TGFB2: variants seen among roughly 807,000 people sequenced by gnomAD.
TGFB2 encodes transforming growth factor beta-2 proprotein.
In TGFB2, 13 loss-of-function variants were observed where a neutral mutation model predicts 42.7. The ratio of observed to expected loss-of-function variants is 0.30; its 90% CI spans 0.20 to 0.48. The LOEUF (loss-of-function observed/expected upper bound fraction) is 0.48, where lower values mean the gene tolerates loss of function less well. TGFB2 is among the 20% of genes least tolerant of loss of function. TGFB2 has a pLI of 0.99. For missense variants in TGFB2, 390 were observed against 517.5 expected, an observed-to-expected ratio of 0.75 and a Z score of 2.39; for synonymous variants, 193 against 193.6, an observed-to-expected ratio of 1.00 and a Z score of 0.03.
At chr1:218,409,013 A>T (rs904867556) in intron 2 of TGFB2, among the ~76,000 whole-genome samples, 2 of 152,210 alleles carry the variant, frequency 1.3e-5, no homozygotes, top group African/African-American at 4.8e-5. Context: ...TTTGATTATC[A>T]TAAGGAGCGT....
At chr1:218,419,852 A>G (rs895225138) in intron 2 of TGFB2, among the ~76,000 whole-genome samples, 1 of 152,248 alleles carries the variant, frequency 6.6e-6, no homozygotes, top group Non-Finnish European at 1.5e-5. Flanking sequence ...AAAAAATAAA[A>G]TAAAATTATG....
At chr1:218,358,509 A>G (rs1657108019) in intron 1 of TGFB2, among the ~76,000 whole-genome samples, 1 of 150,860 alleles carries the variant, frequency 6.6e-6, no homozygotes, top group African/African-American at 2.4e-5. Context: ...TCTTATGGCA[A>G]TATGACTGCA....
chr1:218,396,541 CTTT>C (rs542373636), intron 1 of TGFB2, among the ~76,000 whole-genome samples: 1 of 142,710 alleles, frequency 7.0e-6, no homozygotes, highest in African/African-American at 2.5e-5. Context: ...TGTTTGGTTT[CTTT>C]TTTTTTTTTA....
In TGFB2 at chr1:218,353,772, C is replaced by T. The variant is rs7550053; in HGVS notation, c.346+6725C>T. ...GGGCCTGGTGGTATGTGCCTGTAGT[C>T]CTAGCTACTTGGGCGGCTGAAGCAG... On this transcript the variant is annotated intron_variant, in intron 1 of 6. Transcript: ENST00000366930. 8.4e-3 allele frequency among the ~76,000 whole-genome samples: 1,280 copies of T among 152,230 alleles called. 18 individuals carry two copies. The highest frequency in any genetic ancestry group is 0.028 in the African/African-American group (1,182 of 41,526).
chr1:218,350,988 A>G (rs1415839350), intron 1 of TGFB2, among the ~76,000 whole-genome samples: 3 of 152,234 alleles, frequency 2.0e-5, no homozygotes, highest in Admixed American at 6.5e-5. Context: ...AAAAATCACA[A>G]TGAGATTCCC....
At chr1:218,381,258 GTT>G (rs11405199) in intron 1 of TGFB2, among the ~76,000 whole-genome samples, 1,701 of 137,700 alleles carry the variant, frequency 0.012, 37 homozygotes, top group African/African-American at 0.041. Flanking sequence ...TTTTGTTTTT[GTT>G]TTTTTTTTTT....
At chr1:218,363,261 A>G (rs1257452754) in intron 1 of TGFB2, 2 of 1,285,604 alleles carry the variant, frequency 1.6e-6, no homozygotes, top group Admixed American at 3.4e-5. Context: ...TTCTACTTTG[A>G]ATCTTTGTAT....
At chr1:218,367,605 T>C (rs1657428018) in intron 1 of TGFB2, among the ~76,000 whole-genome samples, 1 of 152,220 alleles carries the variant, frequency 6.6e-6, no homozygotes, top group South Asian at 2.1e-4. Flanking sequence ...AGTTCTCGTA[T>C]GTGGTCTACA....
intron 1 of TGFB2, among the ~76,000 whole-genome samples, chr1:218,378,745 C>G (rs998482531): frequency 6.8e-6 from 1 of 148,086 alleles, no homozygotes; most frequent in African/African-American, 2.5e-5. Flanking sequence ...GCGCTGGGAT[C>G]ACAGGGGTGC....
intron 4 of TGFB2, among the ~76,000 whole-genome samples, chr1:218,435,681 A>G (rs1279890032): frequency 1.3e-5 from 2 of 152,210 alleles, no homozygotes; most frequent in Non-Finnish European, 2.9e-5. Flanking sequence ...TTGCCCTTGG[A>G]CTATAGGTCA....
chr1:218,401,245 C>T (rs1308372268), intron 1 of TGFB2, among the ~76,000 whole-genome samples: 2 of 151,966 alleles, frequency 1.3e-5, no homozygotes, highest in Non-Finnish European at 2.9e-5. Context: ...AATGTTCATA[C>T]AGTAGTATGT....
At chr1:218,406,864 C>T (rs181811926) in intron 2 of TGFB2, among the ~76,000 whole-genome samples, 68 of 152,088 alleles carry the variant, frequency 4.5e-4, no homozygotes, top group African/African-American at 1.5e-3. Flanking sequence ...TTGGGATCCC[C>T]GTGATAAGGG....
chr1:218,431,949 C>T (rs536214279), intron 2 of TGFB2, among the ~76,000 whole-genome samples: 2 of 152,328 alleles, frequency 1.3e-5, no homozygotes, highest in South Asian at 2.1e-4. Context: ...AAAGCTGTAG[C>T]TTTATGCCAA....
Position 218,431,390 on chromosome 1 carries a change from T to A in TGFB2, c.511-2692T>A, listed in dbSNP as rs192177666. Among the ~76,000 whole-genome samples the A allele has an allele frequency of 2.0e-3, 298 of 152,346 alleles. 5 individuals are homozygous for A. Among genetic ancestry groups the A allele is most frequent in the Non-Finnish European group, 4.3e-4 (29 of 68,032 alleles). On this transcript the variant is annotated intron_variant, in intron 2 of 6. Coordinates refer to ENST00000366930, the MANE Select transcript of TGFB2 (RefSeq NM_003238.6). Reference sequence around the variant, plus strand: ...TACTCCTTTTCTATAAGGTGGAAGATTTATATAGATTTGGCATTATGTGTC... The same window carrying A: ...TACTCCTTTTCTATAAGGTGGAAGAATTATATAGATTTGGCATTATGTGTC...
At chr1:218,366,719 G>A (rs1287463508) in intron 1 of TGFB2, among the ~76,000 whole-genome samples, 2 of 152,218 alleles carry the variant, frequency 1.3e-5, no homozygotes, top group Non-Finnish European at 2.9e-5. Flanking sequence ...TGGGGTGGGT[G>A]GAGCTGAGGA....
chr1:218,437,332 T>C lies in TGFB2; in HGVS notation c.933-11T>C, dbSNP rs1056381817. ...AAAATCTCCATTGCTTTTTTTTTTT[T>C]TTTTTAACAGAAATGTGCAGGATAA... On this transcript the variant is annotated splice_polypyrimidine_tract_variant and intron_variant, in intron 5 of 6. Coordinates refer to ENST00000366930, the MANE Select transcript of TGFB2 (RefSeq NM_003238.6). 2 of 1,554,902 alleles carry C rather than the reference T, an allele frequency of 1.3e-6. No homozygotes were observed. Among genetic ancestry groups the C allele is most frequent in the Non-Finnish European group, 1.7e-6 (2 of 1,155,642 alleles).
At chr1:218,370,075 G>A (rs964581878) in intron 1 of TGFB2, among the ~76,000 whole-genome samples, 5 of 152,118 alleles carry the variant, frequency 3.3e-5, no homozygotes, top group African/African-American at 1.2e-4. Context: ...CTGTCCTCAG[G>A]GAGCCTGCAC....
chr1:218,416,776 G>A (rs1439125905), intron 2 of TGFB2, among the ~76,000 whole-genome samples: 1 of 152,166 alleles, frequency 6.6e-6, no homozygotes, highest in African/African-American at 2.4e-5. Flanking sequence ...GAGGGACTGG[G>A]TGGGAGGTAA....
chr1:218,433,276 A>C (rs1659868070), intron 2 of TGFB2, among the ~76,000 whole-genome samples: 1 of 152,152 alleles, frequency 6.6e-6, no homozygotes, highest in African/African-American at 2.4e-5. Context: ...CATGTTGGCC[A>C]GGCTGGTCTT....
Sources: allele counts gnomAD v4.1 joint callset (sites outside exome capture counted in the v4.1 genomes callset), GRCh38; gene constraint gnomAD v4.1.1; transcripts MANE v1.5; gene names NCBI Gene and HGNC (gene_info 2026-07-23, HGNC 2026-07-21).